ZNF235: variants seen among roughly 807,000 people sequenced by gnomAD.
ZNF235 encodes zinc finger protein 235.
ZNF235 carries 25 observed loss-of-function variants against 29.4 expected under a neutral mutation model. The ratio of observed to expected loss-of-function variants is 0.85; its 90% CI spans 0.62 to 1.19. The LOEUF (loss-of-function observed/expected upper bound fraction) is 1.19, where lower values mean the gene tolerates loss of function less well. Among genes scored for constraint, ZNF235 ranks in the 50% most tolerant of loss-of-function variants. The probability of loss-of-function intolerance (pLI) is 0.00; values close to 1 mark genes in which losing one functional copy is unlikely to be tolerated. For missense variants in ZNF235, 788 were observed against 885.0 expected, an observed-to-expected ratio of 0.89 and a Z score of 1.39; for synonymous variants, 300 against 295.3, an observed-to-expected ratio of 1.02 and a Z score of -0.16.
At chr19:44,295,904 A>T (rs538892982) in intron 4 of ZNF235, among the ~76,000 whole-genome samples, 93 of 152,292 alleles carry the variant, frequency 6.1e-4, no homozygotes, top group African/African-American at 2.1e-3. Context: ...TGAGATCTCC[A>T]GAGATCCATA....
At position 44,288,559 on chromosome 19, in the gene ZNF235, C is replaced by G. The variant is rs771478267; in HGVS notation, c.876G>C (p.Ala292=). ...TGGTGTCCTTCTCATGTGTACTACA[C>G]GCTGGAGACTTCTTTCCCAAGTGTA... ...KQVHLGKKSP[A]CSTHEKDTSY... is the part of the protein sequence containing the mutation. The change falls in exon 5 of 5, where the codon GCG becomes GCC. Residue 292 remains alanine (A), a synonymous_variant. Coordinates refer to ENST00000291182, the MANE Select transcript of ZNF235 (RefSeq NM_004234.4). 1.2e-6 allele frequency: 2 copies of G among 1,614,090 alleles called. No individual in the cohort carries two copies. Among genetic ancestry groups the G allele is most frequent in the Admixed American group, 3.3e-5 (2 of 60,000 alleles).
At chr19:44,304,652 C>T in intron 1 of ZNF235, 2 of 901,272 alleles carry the variant, frequency 2.2e-6, no homozygotes, top group Non-Finnish European at 2.7e-6. Flanking sequence ...ACGCACTAAC[C>T]CTTTACAGGC....
chr19:44,294,787 C>T (rs1975632053), intron 4 of ZNF235, among the ~76,000 whole-genome samples: 1 of 151,364 alleles, frequency 6.6e-6, no homozygotes. Context: ...GTTCAACATA[C>T]ACAAACCAAT....
chr19:44,304,875 G>A, intron 1 of ZNF235, 96 bp downstream of exon 1: 3 of 985,446 alleles, frequency 3.0e-6, no homozygotes, highest in Non-Finnish European at 3.6e-6. Flanking sequence ...CGCTGGCCGC[G>A]GCTTCTCTTC....
rs767862573 is a variant in ZNF235, at chr19:44,288,590, T to TTATGAAGTTCAAGACTGGAGC, written c.824_844dup (p.Ser275_His281dup). 1.2e-6 allele frequency: 2 copies of TTATGAAGTTCAAGACTGGAGC among 1,614,168 alleles called. No individual in the cohort carries two copies. The highest frequency in any genetic ancestry group is 1.7e-6 in the Non-Finnish European group (2 of 1,180,016). The stretch of plus-strand genomic sequence containing the variant: ...AGACTTCTTTCCCAAGTGTACCTGT[T>TTATGAAGTTCAAGACTGGAGC]TATGAAGTTCAAGACTGGAGCTATC... On this transcript the variant is annotated inframe_insertion, in exon 5 of 5. Coordinates refer to ENST00000291182, the MANE Select transcript of ZNF235 (RefSeq NM_004234.4).
Position 44,287,748 on chromosome 19 carries a change from T to C in ZNF235, c.1687A>G (p.Arg563Gly). Residue 563 changes from arginine (R) to glycine (G), a missense_variant, in exon 5 of 5, where the codon AGA (arginine) becomes GGA (glycine). Physicochemically the swap from Arg to Gly is moderately radical, Grantham distance 125. Transcript: ENST00000291182. Reference sequence around the variant, plus strand: ...TAGGGTTTCTCTCCGGTGTGGACTCTCTGATGATTGTGAAGATTCAAGCTC... The same window carrying C: ...TAGGGTTTCTCTCCGGTGTGGACTCCCTGATGATTGTGAAGATTCAAGCTC... ...NWSLNLHNHQ[R>G]VHTGEKPYKC... 6.2e-7 allele frequency: 1 copy of C among 1,613,894 alleles called. No individual in the cohort carries two copies. The highest frequency in any genetic ancestry group is 8.5e-7 in the Non-Finnish European group (1 of 1,179,936).
chr19:44,288,509 T>G lies in ZNF235; in HGVS notation c.926A>C (p.Gln309Pro). ...TTTTTTCCCAGTACGAACACTTTGT[T>G]GAACAGGAATACCTGAGCTATAACT... ...DTSYSSGIPVQQSVRTGKKRY... is the reference protein window; with the variant it reads ...DTSYSSGIPVPQSVRTGKKRY... Residue 309 changes from glutamine (Q) to proline (P), a missense_variant, in exon 5 of 5, where the codon CAA (glutamine) becomes CCA (proline). Transcript: ENST00000291182. 6.2e-7 allele frequency: 1 copy of G among 1,614,188 alleles called. No homozygotes were observed. Among genetic ancestry groups the G allele is most frequent in the Non-Finnish European group, 8.5e-7 (1 of 1,180,024 alleles).
intron 4 of ZNF235, among the ~76,000 whole-genome samples, chr19:44,291,284 TA>T (rs1184414679): frequency 1.3e-5 from 2 of 152,114 alleles, no homozygotes; most frequent in African/African-American, 4.8e-5. Flanking sequence ...AGAGAATAAA[TA>T]ACATACTTCT....
At chr19:44,295,788 T>A (rs1202834618) in intron 4 of ZNF235, among the ~76,000 whole-genome samples, 1 of 152,070 alleles carries the variant, frequency 6.6e-6, no homozygotes, top group Non-Finnish European at 1.5e-5. Flanking sequence ...ATAAGTCACA[T>A]ACCTACAGCC....
intron 4 of ZNF235, among the ~76,000 whole-genome samples, chr19:44,291,504 A>C (rs1223025953): frequency 6.6e-6 from 1 of 152,178 alleles, no homozygotes; most frequent in Non-Finnish European, 1.5e-5. Context: ...AAGAACAATA[A>C]AATTAATAAA....
chr19:44,301,074 C>A (rs953974225), intron 2 of ZNF235, among the ~76,000 whole-genome samples: 1 of 151,640 alleles, frequency 6.6e-6, no homozygotes, highest in African/African-American at 2.4e-5. Flanking sequence ...TAAAGATGAT[C>A]TGATATTACT....
At chr19:44,303,585 CGGGAGCTA>C in intron 1 of ZNF235, 133 bp from the exon 2 acceptor site, 2 of 650,642 alleles carry the variant, frequency 3.1e-6, no homozygotes, top group South Asian at 2.3e-5. Context: ...GTGAGGAGAA[CGGGAGCTA>C]GCTCCCAGCT....
At chr19:44,301,331 CGAT>C (rs1376293101) in intron 2 of ZNF235, among the ~76,000 whole-genome samples, 2 of 152,096 alleles carry the variant, frequency 1.3e-5, no homozygotes, top group Admixed American at 6.5e-5. Flanking sequence ...CCAAACAACT[CGAT>C]GACACATGTG....
rs751992899 is a variant in ZNF235, at chr19:44,289,123, T to C, written c.312A>G (p.Ser104=). ...GLRCFSLGEL[S]CWQIKRHIAS... Reference sequence around the variant, plus strand: ...CAATGTGTCTCTTGATTTGCCAGCATGAAAGCTCTCCCAGTGAAAAGCACC... The same window carrying C: ...CAATGTGTCTCTTGATTTGCCAGCACGAAAGCTCTCCCAGTGAAAAGCACC... The change falls in exon 5 of 5, where the codon TCA becomes TCG. Residue 104 remains serine, a synonymous_variant. Coordinates refer to ENST00000291182, the MANE Select transcript of ZNF235 (RefSeq NM_004234.4). The C allele has an allele frequency of 2.5e-5, 40 of 1,614,040 alleles. No individual in the cohort carries two copies. Among genetic ancestry groups the C allele is most frequent in the Non-Finnish European group, 3.2e-5 (38 of 1,180,026 alleles).
rs766148459 is a variant in ZNF235, at chr19:44,288,551, G to A, written c.884C>T (p.Thr295Ile). Residue 295 changes from threonine (T) to isoleucine (I), a missense_variant, in exon 5 of 5, where the codon ACA becomes ATA. By Grantham distance (89) the Thr-to-Ile change is moderately conservative. Coordinates refer to ENST00000291182, the MANE Select transcript of ZNF235 (RefSeq NM_004234.4). ...HLGKKSPACSTHEKDTSYSSG... is the reference protein window; with the variant it reads ...HLGKKSPACSIHEKDTSYSSG... ...GCTATAACTGGTGTCCTTCTCATGT[G>A]TACTACACGCTGGAGACTTCTTTCC... The A allele has an allele frequency of 3.1e-6, 5 of 1,613,952 alleles. No individual in the cohort carries two copies. The East Asian group carries it at 8.9e-5, about 29-fold the overall frequency.
chr19:44,291,305 G>T (rs1259312809), intron 4 of ZNF235, among the ~76,000 whole-genome samples: 1 of 152,096 alleles, frequency 6.6e-6, no homozygotes, highest in Admixed American at 6.5e-5. Flanking sequence ...TAAATAAACT[G>T]TGGATCAAAA....
chr19:44,299,348 T>C (rs1196057223), intron 3 of ZNF235, among the ~76,000 whole-genome samples: 2 of 152,228 alleles, frequency 1.3e-5, no homozygotes, highest in Admixed American at 6.5e-5. Flanking sequence ...TGTTCTTTTA[T>C]AGTTCATGTC....
rs36119289 is a variant in ZNF235 at position 44,287,294 on chromosome 19, T to A, written c.2141A>T (p.Asp714Val). The stretch of plus-strand genomic sequence containing the variant: ...CTGACTGAAGCCCTTACAACAGACA[T>A]CACATATGTAAGGCCTCTCTCCAGT... ...VHTGERPYIC[D>V]VCCKGFSQRS... Residue 714 changes from aspartate (D) to valine (V), a missense_variant, in exon 5 of 5, where the codon GAT (aspartate) becomes GTT (valine). Asp to Val is a radical substitution (Grantham distance 152). Transcript: ENST00000291182. 0.013 allele frequency: 21,321 copies of A among 1,613,956 alleles called. 192 individuals carry two copies. Among genetic ancestry groups the A allele is most frequent in the Non-Finnish European group, 0.016 (19,042 of 1,179,932 alleles).
intron 2 of ZNF235, among the ~76,000 whole-genome samples, chr19:44,301,735 G>T (rs1263965634): frequency 6.6e-6 from 1 of 152,134 alleles, no homozygotes; most frequent in East Asian, 1.9e-4. Context: ...AAAGTGCTGG[G>T]ATTACAGGTG....
Sources: gnomAD v4.1 joint callset for allele counts (sites outside exome capture counted in the v4.1 genomes callset) on GRCh38, gnomAD v4.1.1 for gene constraint, MANE v1.5 for transcripts, NCBI Gene and HGNC (gene_info 2026-07-23, HGNC 2026-07-21) for gene names.